Variants in GALNT15 observed in about 807,000 individuals in gnomAD.
The protein encoded by GALNT15 is UDP-GalNAc transferase T15.
GALNT15 carries 67 observed loss-of-function variants against 66.8 expected under a neutral mutation model. The ratio of observed to expected loss-of-function variants is 1.00; its 90% confidence interval spans 0.82 to 1.23. The LOEUF (loss-of-function observed/expected upper bound fraction) is 1.23, where lower values mean the gene tolerates loss of function less well. GALNT15 is among the 50% of genes most tolerant of loss of function. GALNT15 has a pLI of 0.00. For synonymous variants in GALNT15, 313 were observed against 311.5 expected (o/e 1.00, Z -0.05); for missense variants, 827 against 804.3 (o/e 1.03, Z -0.34).
the GALNT15 span, among the ~76,000 whole-genome samples, chr3:16,237,595 G>A: frequency 6.6e-6 from 1 of 152,210 alleles, no homozygotes; most frequent in Non-Finnish European, 1.5e-5. This position sits in a 1 kb window ranked among gnomAD's most constrained non-coding sequence, Gnocchi z 4.2. Flanking sequence ...GCAGATCTGA[G>A]TACCCAGGTG....
rs753410506 is a variant in GALNT15 at position 16,195,724 on chromosome 3, C to T, written c.540-36C>T. The T allele has an allele frequency of 6.3e-7, 1 of 1,587,002 alleles. No homozygotes were observed. Among genetic ancestry groups the T allele is most frequent in the Non-Finnish European group, 8.6e-7 (1 of 1,161,854 alleles). ...GGTGTGGAGTGTTTCTTGTGGCCTT[C>T]TCTTCCCCATGGCTCTCTGGCTCTC... On this transcript the variant is annotated intron_variant, in intron 1 of 9. Coordinates refer to ENST00000339732, the MANE Select transcript of GALNT15 (RefSeq NM_054110.5). This position sits in a 1 kb window ranked among gnomAD's most constrained non-coding sequence, Gnocchi z 4.6.
At chr3:16,231,954 G>T, downstream of GALNT15, 1 of 1,509,302 alleles carries the variant, frequency 6.6e-7, no homozygotes, top group Non-Finnish European at 8.8e-7. This position sits in a 1 kb window ranked among gnomAD's most constrained non-coding sequence, Gnocchi z 4.1. Flanking sequence ...GGGTGGCATT[G>T]TTTAATGTCT....
chr3:16,236,120 A>AAAAAAAAAAAAAAAAAAAAAAAAAAAAAG, downstream of GALNT15, among the ~76,000 whole-genome samples: 1 of 146,256 alleles, frequency 6.8e-6, no homozygotes, highest in Middle Eastern at 3.5e-3. Context: ...AAAAAAAAAA[A>AAAAAAAAAAAAAAAAAAAAAAAAAAAAAG]AAAAAAAAAA....
intron 1 of GALNT15, among the ~76,000 whole-genome samples, chr3:16,185,301 G>A (rs561597199): frequency 1.7e-4 from 26 of 152,250 alleles, no homozygotes; most frequent in African/African-American, 6.0e-4. Flanking sequence ...AAAAAAAGAC[G>A]ATATTCTTAT....
In GALNT15 at chr3:16,189,078, TAAC is replaced by T. The variant is rs200083206; in HGVS notation, c.540-6670_540-6668del. On this transcript the variant is annotated intron_variant, in intron 1 of 9. Coordinates refer to ENST00000339732, the MANE Select transcript of GALNT15 (RefSeq NM_054110.5). The surrounding 1 kb of genome is among the most constrained non-coding windows in gnomAD (Gnocchi z 5.1). ...TCTGAAGGGAAGTCATCCTGCATTT[TAAC>T]AACAACAACAAAAAAAGGAAGCCAC... 0.02 allele frequency among the ~76,000 whole-genome samples: 3,037 copies of T among 152,202 alleles called. 109 individuals carry two copies. The highest frequency in any genetic ancestry group is 0.069 in the African/African-American group (2,853 of 41,506).
intron 3 of GALNT15, 103 bp from the exon 4 acceptor site, chr3:16,208,400 G>A: frequency 9.0e-7 from 1 of 1,109,642 alleles, no homozygotes; most frequent in Non-Finnish European, 1.3e-6. Context: ...TTTAGGTACG[G>A]GTGTCTGGTA....
intron 2 of GALNT15, among the ~76,000 whole-genome samples, chr3:16,196,934 T>C (rs573530456): frequency 6.6e-6 from 1 of 152,318 alleles, no homozygotes; most frequent in Admixed American, 6.5e-5. Context: ...TAGTTCTTTC[T>C]ACGGTCCTCA....
chr3:16,221,202 CAAAAG>C (rs2063938764), intron 8 of GALNT15, among the ~76,000 whole-genome samples: 2 of 146,338 alleles, frequency 1.4e-5, no homozygotes, highest in Admixed American at 6.8e-5. Flanking sequence ...AATAAAGAAA[CAAAAG>C]AACAATACAG....
rs2063787108 is a variant in GALNT15, at chr3:16,209,155, G to A, written c.1079+485G>A. Among the ~76,000 whole-genome samples the A allele has an allele frequency of 6.6e-6, 1 of 152,212 alleles. No individual in the cohort carries two copies. The highest frequency in any genetic ancestry group is 6.5e-5 in the Admixed American group (1 of 15,280). ...CTATTGTATGGGTCGCTTCTCACAT[G>A]TTTGGTTTTTGGATGACTCTTCTAT... On this transcript the variant is annotated intron_variant, in intron 4 of 9. Transcript: ENST00000339732. This position sits in a 1 kb window ranked among gnomAD's most constrained non-coding sequence, Gnocchi z 4.1.
Position 16,195,718 on chromosome 3 carries a change from G to T in GALNT15, c.540-42G>T, listed in dbSNP as rs777404756. ...TTAGAGGGTGTGGAGTGTTTCTTGT[G>T]GCCTTCTCTTCCCCATGGCTCTCTG... On this transcript the variant is annotated intron_variant, in intron 1 of 9. Coordinates refer to ENST00000339732, the MANE Select transcript of GALNT15 (RefSeq NM_054110.5). This position sits in a 1 kb window ranked among gnomAD's most constrained non-coding sequence, Gnocchi z 4.6. 3 of 1,576,870 alleles carry T rather than the reference G, an allele frequency of 1.9e-6. No homozygotes were observed. The highest frequency in any genetic ancestry group is 2.6e-6 in the Non-Finnish European group (3 of 1,154,238).
the GALNT15 span, among the ~76,000 whole-genome samples, chr3:16,247,359 A>C: frequency 2.0e-5 from 3 of 152,246 alleles, no homozygotes; most frequent in African/African-American, 2.4e-5. Context: ...TCTAATTTAC[A>C]GAAGGAGAAA....
At position 16,225,865 on chromosome 3, in the gene GALNT15, T is replaced by C. The variant is rs372124357; in HGVS notation, c.1774-1489T>C. Among the ~76,000 whole-genome samples the C allele has an allele frequency of 4.0e-5, 6 of 151,726 alleles. No homozygotes were observed. The East Asian group carries it at 9.7e-4, about 24-fold the overall frequency. ...CAGCCTGGCCAATATGGGTTTTTAG[T>C]AGAGAAAACCCATCTCTACTAAAAA... is the stretch of plus-strand genomic sequence containing the variant. On this transcript the variant is annotated intron_variant, in intron 9 of 9. Transcript: ENST00000339732. This position sits in a 1 kb window ranked among gnomAD's most constrained non-coding sequence, Gnocchi z 4.4.
the GALNT15 span, among the ~76,000 whole-genome samples, chr3:16,242,201 T>A: frequency 1.3e-5 from 2 of 152,116 alleles, no homozygotes; most frequent in South Asian, 4.2e-4. This position sits in a 1 kb window ranked among gnomAD's most constrained non-coding sequence, Gnocchi z 5.6. Context: ...CAGCCCAGGC[T>A]CAGGGAGGAG....
At chr3:16,230,852 G>T (rs1041569697), downstream of GALNT15, among the ~76,000 whole-genome samples, 1 of 152,170 alleles carries the variant, frequency 6.6e-6, no homozygotes, top group Non-Finnish European at 1.5e-5. The surrounding 1 kb of genome is among the most constrained non-coding windows in gnomAD (Gnocchi z 4.5). Context: ...AATAACCAAG[G>T]AGGTGCTATT....
rs1302189968 is a variant in GALNT15 at position 16,180,807 on chromosome 3, T to C, written c.539+5117T>C. Among the ~76,000 whole-genome samples the C allele has an allele frequency of 2.0e-5, 3 of 152,360 alleles. No individual in the cohort carries two copies. The highest frequency in any genetic ancestry group is 6.8e-3 in the Middle Eastern group (2 of 294). On this transcript the variant is annotated intron_variant, in intron 1 of 9. Transcript: ENST00000339732. This position sits in a 1 kb window ranked among gnomAD's most constrained non-coding sequence, Gnocchi z 5.0. ...TAGCTGGCTGTGTGCTACCTGCTTT[T>C]AACTTGCCTTTATGGTTCAGCCTGT...
chr3:16,201,976 A>G (rs1295633054), intron 3 of GALNT15, among the ~76,000 whole-genome samples: 1 of 152,214 alleles, frequency 6.6e-6, no homozygotes, highest in African/African-American at 2.4e-5. Flanking sequence ...CCAGCAAGAC[A>G]GGACCAATGC....
chr3:16,240,314 G>T, the GALNT15 span, among the ~76,000 whole-genome samples: 5 of 152,262 alleles, frequency 3.3e-5, no homozygotes, highest in Admixed American at 3.3e-4. Context: ...ATTTACCAAG[G>T]TCACACCTCT....
rs752847679 is a variant in GALNT15 at position 16,227,409 on chromosome 3, A to C, written c.1829A>C (p.Glu610Ala). The C allele has an allele frequency of 6.2e-7, 1 of 1,614,180 alleles. No homozygotes were observed. Among genetic ancestry groups the C allele is most frequent in the East Asian group, 2.2e-5 (1 of 44,884 alleles). ...AAATGCATGGAAGCTGTGGTGCAAG[A>C]AAACAATAAAGATTTGTACCTGCGT... ...SGKCMEAVVQ[E>A]NNKDLYLRPC... Residue 610 changes from glutamate to alanine, a missense_variant, in exon 10 of 10, where the codon GAA (glutamate) becomes GCA (alanine). Coordinates refer to ENST00000339732, the MANE Select transcript of GALNT15 (RefSeq NM_054110.5). This position sits in a 1 kb window ranked among gnomAD's most constrained non-coding sequence, Gnocchi z 4.5.
At chr3:16,190,912 G>A (rs1176482338) in intron 1 of GALNT15, among the ~76,000 whole-genome samples, 1 of 152,202 alleles carries the variant, frequency 6.6e-6, no homozygotes, top group Non-Finnish European at 1.5e-5. Flanking sequence ...ACAGCTGTCG[G>A]TTTACGTCTT....
Sources: allele counts gnomAD v4.1 joint callset (sites outside exome capture counted in the v4.1 genomes callset), GRCh38; gene constraint gnomAD v4.1.1; non-coding constraint Gnocchi (gnomAD v3.1); transcripts MANE v1.5; gene names NCBI Gene and HGNC (gene_info 2026-07-23, HGNC 2026-07-21).